The following NUDCD3 variants were observed in gnomAD, a reference collection of about 807,000 sequenced individuals.
NUDCD3 encodes the protein nudC domain-containing protein 3.
NUDCD3 carries 13 observed loss-of-function variants against 39.7 expected under a neutral mutation model. That is an observed-to-expected ratio of 0.33 (90% CI 0.21 to 0.52). NUDCD3 has a LOEUF of 0.52. NUDCD3 is among the 20% of genes least tolerant of loss of function. The probability of loss-of-function intolerance (pLI) is 0.96; values close to 1 mark genes in which losing one functional copy is unlikely to be tolerated. For synonymous variants in NUDCD3, 175 were observed against 172.4 expected, an observed-to-expected ratio of 1.02 and a Z score of -0.12; for missense variants, 453 against 458.1, an observed-to-expected ratio of 0.99 and a Z score of 0.10.
chr7:44,420,298 GA>G (rs537100155), intron 3 of NUDCD3, among the ~76,000 whole-genome samples: 67 of 152,056 alleles, frequency 4.4e-4, no homozygotes, highest in African/African-American at 1.5e-3. Flanking sequence ...CAAGATTAGA[GA>G]AAAAAGAATG....
intron 2 of NUDCD3, among the ~76,000 whole-genome samples, chr7:44,447,088 C>T (rs1045333740): frequency 3.3e-5 from 5 of 152,226 alleles, no homozygotes; most frequent in Non-Finnish European, 5.9e-5. Context: ...CCAAGAGATG[C>T]TTCGCCATGA....
At chr7:44,486,894 C>T (rs2116987331) in intron 1 of NUDCD3, among the ~76,000 whole-genome samples, 1 of 152,310 alleles carries the variant, frequency 6.6e-6, no homozygotes, top group South Asian at 2.1e-4. Context: ...GTTCTCAGTA[C>T]TCATTCTAGA....
chr7:44,402,326 C>T (rs1798741610), intron 4 of NUDCD3, among the ~76,000 whole-genome samples: 1 of 152,168 alleles, frequency 6.6e-6, no homozygotes. Flanking sequence ...GTTTTGGCCA[C>T]TAGTCACATC....
chr7:44,436,229 T>C (rs1563176461), intron 2 of NUDCD3, among the ~76,000 whole-genome samples: 1 of 152,212 alleles, frequency 6.6e-6, no homozygotes, highest in African/African-American at 2.4e-5. Context: ...TTATTTCTTA[T>C]TGAAGTATTT....
intron 3 of NUDCD3, among the ~76,000 whole-genome samples, chr7:44,423,275 T>C (rs1206013524): frequency 6.6e-6 from 1 of 152,150 alleles, no homozygotes; most frequent in African/African-American, 2.4e-5. Context: ...CAACACAGTA[T>C]TGGAAGTTCT....
At chr7:44,445,700 T>TCA (rs1799678983) in intron 2 of NUDCD3, among the ~76,000 whole-genome samples, 1 of 152,114 alleles carries the variant, frequency 6.6e-6, no homozygotes, top group South Asian at 2.1e-4. Context: ...ACACAAACAG[T>TCA]CACACACACT....
In NUDCD3 at chr7:44,447,490, G is replaced by T. The variant is rs145283145; in HGVS notation, c.510-19787C>A. Among the ~76,000 whole-genome samples the T allele has an allele frequency of 6.6e-5, 10 of 152,270 alleles. No individual in the cohort carries two copies. The East Asian group carries it at 1.9e-3, about 29-fold the overall frequency. The stretch of plus-strand genomic sequence containing the variant: ...CTAGATTAAGGCATTTATTAAACAG[G>T]CTTCACGCAGCATCCAGCTCTCTTC... On this transcript the variant is annotated intron_variant, in intron 2 of 5. Coordinates refer to ENST00000355451, the MANE Select transcript of NUDCD3 (RefSeq NM_015332.4).
At chr7:44,443,849 TCTC>T in intron 2 of NUDCD3, among the ~76,000 whole-genome samples, 1 of 152,254 alleles carries the variant, frequency 6.6e-6, no homozygotes. Flanking sequence ...CATCTTCAGT[TCTC>T]CTGGGAGGTG....
intron 2 of NUDCD3, among the ~76,000 whole-genome samples, chr7:44,430,978 G>T (rs1799353243): frequency 6.6e-6 from 1 of 152,218 alleles, no homozygotes. Context: ...GGCTCCTCTT[G>T]CATGGAACCT....
At chr7:44,395,380 G>C (rs1204597910) in intron 4 of NUDCD3, among the ~76,000 whole-genome samples, 1 of 152,148 alleles carries the variant, frequency 6.6e-6, no homozygotes, top group East Asian at 1.9e-4. Flanking sequence ...ACTTTATATT[G>C]AACAATTTCT....
intron 5 of NUDCD3, among the ~76,000 whole-genome samples, chr7:44,386,619 A>G (rs934360559): frequency 1.1e-4 from 17 of 152,226 alleles, no homozygotes; most frequent in Admixed American, 9.8e-4. Context: ...ATCAAGAACT[A>G]TATCATCAGA....
intron 4 of NUDCD3, among the ~76,000 whole-genome samples, chr7:44,395,805 A>G (rs1798613022): frequency 1.3e-5 from 2 of 152,098 alleles, no homozygotes. Flanking sequence ...GATAAACCAC[A>G]TTTTGTTTCA....
intron 2 of NUDCD3, among the ~76,000 whole-genome samples, chr7:44,479,857 A>C (rs1179919043): frequency 6.6e-6 from 1 of 152,260 alleles, no homozygotes; most frequent in African/African-American, 2.4e-5. Flanking sequence ...TAAAGGTAGA[A>C]CAAGGAAAAG....
chr7:44,439,009 T>C (rs1299016279), intron 2 of NUDCD3, among the ~76,000 whole-genome samples: 1 of 152,076 alleles, frequency 6.6e-6, no homozygotes, highest in Non-Finnish European at 1.5e-5. Flanking sequence ...AGTGAGGCAA[T>C]GAACTAACAG....
rs529678426 is a variant in NUDCD3 at position 44,456,041 on chromosome 7, A to C, written c.510-28338T>G. Among the ~76,000 whole-genome samples, 555 of 139,040 alleles carry C rather than the reference A, an allele frequency of 4.0e-3. 8 individuals are homozygous for C. Among genetic ancestry groups the C allele is most frequent in the African/African-American group, 0.013 (510 of 38,308 alleles). The allele number at this position is 139,040 out of a possible 152,430, so 91.2% of individuals were successfully genotyped here. ...ACTCCGTCTCAAAAAAAAAAAAAAA[A>C]AAAAAAAAACAAAAAAACAAACAAC... is the stretch of plus-strand genomic sequence containing the variant. On this transcript the variant is annotated intron_variant, in intron 2 of 5. Coordinates refer to ENST00000355451, the MANE Select transcript of NUDCD3 (RefSeq NM_015332.4).
intron 2 of NUDCD3, among the ~76,000 whole-genome samples, chr7:44,480,290 T>A (rs951702725): frequency 3.3e-5 from 5 of 151,998 alleles, no homozygotes; most frequent in African/African-American, 1.2e-4. Context: ...TACAAAAAAA[T>A]TAATAAAACA....
intron 2 of NUDCD3, among the ~76,000 whole-genome samples, chr7:44,456,047 A>AAAAC (rs1799891864): frequency 7.5e-6 from 1 of 132,808 alleles, no homozygotes; most frequent in African/African-American, 2.8e-5. Flanking sequence ...AAAAAAAAAA[A>AAAAC]AAACAAAAAA....
chr7:44,469,948 C>T (rs1185201083), intron 2 of NUDCD3, among the ~76,000 whole-genome samples: 3 of 152,004 alleles, frequency 2.0e-5, no homozygotes, highest in Non-Finnish European at 2.9e-5. Context: ...GACACAACCA[C>T]GAATACAATG....
At chr7:44,487,098 A>C (rs1800626574) in intron 1 of NUDCD3, among the ~76,000 whole-genome samples, 1 of 152,230 alleles carries the variant, frequency 6.6e-6, no homozygotes. Flanking sequence ...TCCAAAAAAA[A>C]CAGCATTATC....
Sources: allele counts gnomAD v4.1 joint callset (sites outside exome capture counted in the v4.1 genomes callset), GRCh38; gene constraint gnomAD v4.1.1; transcripts MANE v1.5; gene names NCBI Gene and HGNC (gene_info 2026-07-23, HGNC 2026-07-21).